BCKDHB: variants seen among roughly 807,000 people sequenced by gnomAD.
BCKDHB encodes branched chain keto acid dehydrogenase E1 subunit beta.
A neutral mutation model predicts 48.5 loss-of-function variants in BCKDHB; 41 were observed. That is an observed-to-expected ratio of 0.85 (90% CI 0.66 to 1.10). The LOEUF is 1.10. BCKDHB is among the 50% of genes least tolerant of loss of function. BCKDHB has a pLI of 0.00. For missense variants in BCKDHB, 496 were observed against 494.2 expected (o/e 1.00, Z -0.03); for synonymous variants, 201 against 174.8 (o/e 1.15, Z -1.18).
chr6:80,114,245 ATTT>A (rs772020442), intron 1 of BCKDHB, among the ~76,000 whole-genome samples: 1 of 141,932 alleles, frequency 7.0e-6, no homozygotes. Flanking sequence ...GTAGTGCTAG[ATTT>A]TTTTTTTTTT....
chr6:80,423,096 A>T, the BCKDHB span, among the ~76,000 whole-genome samples: 5 of 152,172 alleles, frequency 3.3e-5, no homozygotes, highest in African/African-American at 1.2e-4. Context: ...TGATGATTGT[A>T]TCATGGGCGT....
intron 9 of BCKDHB, among the ~76,000 whole-genome samples, chr6:80,300,670 C>A (rs1310216018): frequency 6.6e-6 from 1 of 152,168 alleles, no homozygotes; most frequent in Non-Finnish European, 1.5e-5. Flanking sequence ...TGGACATCTA[C>A]AGAACACTCC....
the BCKDHB span, among the ~76,000 whole-genome samples, chr6:80,396,475 G>A: frequency 2.0e-5 from 3 of 152,208 alleles, no homozygotes; most frequent in Non-Finnish European, 4.4e-5. Context: ...TTAAGACTTT[G>A]CAAGACTGTT....
At chr6:80,383,665 A>G in the BCKDHB span, among the ~76,000 whole-genome samples, 1 of 152,042 alleles carries the variant, frequency 6.6e-6, no homozygotes, top group East Asian at 1.9e-4. Context: ...GTCTCTTTAG[A>G]AAAATAATGT....
intron 1 of BCKDHB, among the ~76,000 whole-genome samples, chr6:80,123,590 G>C (rs930621781): frequency 6.6e-6 from 1 of 152,192 alleles, no homozygotes; most frequent in African/African-American, 2.4e-5. Flanking sequence ...GTTCTATTCA[G>C]AGATTCAACT....
At chr6:80,113,477 C>T (rs552091122) in intron 1 of BCKDHB, among the ~76,000 whole-genome samples, 24 of 152,336 alleles carry the variant, frequency 1.6e-4, no homozygotes, top group South Asian at 4.1e-4. Context: ...AGTGTGGCCC[C>T]GGCCAGAAAC....
intron 8 of BCKDHB, among the ~76,000 whole-genome samples, chr6:80,246,491 C>T (rs648831): frequency 0.42 from 64,233 of 151,990 alleles, 14,899 homozygotes; most frequent in Non-Finnish European, 0.52. Context: ...GCTTACTAGC[C>T]CCCTTCCTGC....
intron 8 of BCKDHB, among the ~76,000 whole-genome samples, chr6:80,238,069 A>G (rs1391079083): frequency 2.0e-5 from 3 of 152,146 alleles, no homozygotes; most frequent in Admixed American, 6.5e-5. Flanking sequence ...CCTTCCTTCC[A>G]AAGAGTATTG....
intron 6 of BCKDHB, among the ~76,000 whole-genome samples, chr6:80,174,815 A>G (rs1582287684): frequency 6.6e-6 from 1 of 152,298 alleles, no homozygotes; most frequent in East Asian, 1.9e-4. Context: ...CCTTGATTAA[A>G]GCCTGTGGGA....
intron 3 of BCKDHB, among the ~76,000 whole-genome samples, chr6:80,165,692 T>A (rs1772535508): frequency 6.6e-6 from 1 of 152,214 alleles, no homozygotes; most frequent in South Asian, 2.1e-4. Context: ...AATTATACGC[T>A]AATAAAATTG....
At chr6:80,180,306 G>A (rs1366812995) in intron 6 of BCKDHB, among the ~76,000 whole-genome samples, 1 of 152,072 alleles carries the variant, frequency 6.6e-6, no homozygotes, top group Non-Finnish European at 1.5e-5. Flanking sequence ...TGACATTTGA[G>A]TGCAATGAAT....
At chr6:80,364,783 A>C in the BCKDHB span, among the ~76,000 whole-genome samples, 2 of 152,220 alleles carry the variant, frequency 1.3e-5, no homozygotes, top group African/African-American at 2.4e-5. Flanking sequence ...GGCTTTCCCC[A>C]TACAATCAGT....
At chr6:80,442,569 T>C in the BCKDHB span, among the ~76,000 whole-genome samples, 1 of 152,010 alleles carries the variant, frequency 6.6e-6, no homozygotes, top group African/African-American at 2.4e-5. Context: ...ATTTGGAAGA[T>C]GAAGAATGTG....
intron 8 of BCKDHB, among the ~76,000 whole-genome samples, chr6:80,259,863 G>GGT (rs923086975): frequency 9.9e-5 from 15 of 152,204 alleles, no homozygotes; most frequent in African/African-American, 3.6e-4. Flanking sequence ...TGGAGATGTA[G>GGT]GTAACCTCTG....
chr6:80,276,250 T>G (rs1253103668), intron 9 of BCKDHB, among the ~76,000 whole-genome samples: 5 of 151,996 alleles, frequency 3.3e-5, no homozygotes, highest in African/African-American at 9.7e-5. Context: ...CAAAATTGCT[T>G]TTAAAATATT....
chr6:80,150,316 CCTT>C (rs1353032087), intron 3 of BCKDHB, among the ~76,000 whole-genome samples: 2 of 152,194 alleles, frequency 1.3e-5, no homozygotes, highest in East Asian at 3.9e-4. Flanking sequence ...ATAATATTCA[CCTT>C]CTTGTCTCCC....
chr6:80,142,948 C>G (rs1269679526), intron 3 of BCKDHB, among the ~76,000 whole-genome samples: 1 of 152,036 alleles, frequency 6.6e-6, no homozygotes, highest in African/African-American at 2.4e-5. Context: ...ATCAGTGTAA[C>G]ATTTCTACCA....
chr6:80,172,316 T>C (rs1233969779), intron 6 of BCKDHB, among the ~76,000 whole-genome samples: 1 of 152,052 alleles, frequency 6.6e-6, no homozygotes, highest in Non-Finnish European at 1.5e-5. Flanking sequence ...AGGAACATGG[T>C]CATTATATTG....
chr6:80,418,109 A>C, the BCKDHB span, among the ~76,000 whole-genome samples: 8 of 151,690 alleles, frequency 5.3e-5, no homozygotes, highest in Admixed American at 1.3e-4. Flanking sequence ...TCTTTTCTCC[A>C]CTTGATGTAT....
Sources: allele counts gnomAD v4.1 joint callset (sites outside exome capture counted in the v4.1 genomes callset), GRCh38; gene constraint gnomAD v4.1.1; transcripts MANE v1.5; gene names NCBI Gene and HGNC (gene_info 2026-07-23, HGNC 2026-07-21).